Variants in ESRRG observed in about 807,000 individuals in gnomAD.
The protein encoded by ESRRG is estrogen-related receptor gamma.
ESRRG carries 13 observed loss-of-function variants against 44.0 expected under a neutral mutation model. The ratio of observed to expected loss-of-function variants is 0.30; its 90% CI spans 0.19 to 0.47. ESRRG has a LOEUF of 0.47. Among genes scored for constraint, ESRRG ranks in the 20% least tolerant of loss-of-function variants. The pLI, the probability that ESRRG is intolerant of heterozygous loss-of-function variation, is 1.00. For missense variants in ESRRG, 395 were observed against 580.6 expected, an observed-to-expected ratio of 0.68 and a Z score of 3.29; for synonymous variants, 215 against 214.6, an observed-to-expected ratio of 1.00 and a Z score of -0.02.
chr1:216,630,788 C>T (rs1307998992), intron 3 of ESRRG, among the ~76,000 whole-genome samples: 1 of 152,084 alleles, frequency 6.6e-6, no homozygotes, highest in African/African-American at 2.4e-5. Flanking sequence ...TCAAATAGCC[C>T]TGTGACAGCA....
chr1:217,000,154 C>T lies in ESRRG; in HGVS notation c.-105-60481G>A, dbSNP rs865794136. 4 of 152,292 alleles carry T rather than the reference C, an allele frequency of 2.6e-5. No individual in the cohort carries two copies. The South Asian group carries it at 6.2e-4, about 24-fold the overall frequency. The allele number at this position is 152,292 out of a possible 1,614,324, so 9.4% of individuals were successfully genotyped here. On this transcript the variant is annotated intron_variant, in intron 1 of 7. Coordinates refer to the ESRRG transcript ENST00000359162. ...CATCTGAATGCTGCTTAATGCTTGC[C>T]TTATTATACGTAAGCGAACAGTTAT... is the stretch of plus-strand genomic sequence containing the variant.
intron 1 of ESRRG, among the ~76,000 whole-genome samples, chr1:217,036,281 T>C (rs2082878380): frequency 6.6e-6 from 1 of 152,144 alleles, no homozygotes; most frequent in African/African-American, 2.4e-5. Context: ...AAGACAAAAA[T>C]ACTATTTGAC....
At chr1:216,522,454 A>G (rs961334177) in intron 5 of ESRRG, among the ~76,000 whole-genome samples, 7 of 149,394 alleles carry the variant, frequency 4.7e-5, no homozygotes, top group African/African-American at 1.7e-4. Context: ...AACTTCTTCT[A>G]TCTTTTCTTG....
At chr1:217,108,989 A>C (rs2092631213) in intron 1 of ESRRG, among the ~76,000 whole-genome samples, 1 of 152,212 alleles carries the variant, frequency 6.6e-6, no homozygotes, top group Admixed American at 6.5e-5. Context: ...TCTTTAAAAA[A>C]TCATTACAAC....
chr1:216,909,447 C>G (rs1274583990), intron 2 of ESRRG, among the ~76,000 whole-genome samples: 1 of 152,182 alleles, frequency 6.6e-6, no homozygotes, highest in African/African-American at 2.4e-5. Context: ...ATAAGGTACA[C>G]TAAACACTCC....
At chr1:217,053,410 G>T (rs1164747399) in intron 1 of ESRRG, among the ~76,000 whole-genome samples, 1 of 150,924 alleles carries the variant, frequency 6.6e-6, no homozygotes, top group African/African-American at 2.4e-5. Flanking sequence ...AGCCGAGATT[G>T]CGCCACTGCA....
intron 3 of ESRRG, among the ~76,000 whole-genome samples, chr1:216,599,196 G>A (rs757349209): frequency 4.9e-4 from 75 of 151,996 alleles, no homozygotes; most frequent in Admixed American, 9.2e-4. Context: ...CACAATTAAA[G>A]ATCTTGAAAA....
chr1:216,856,107 C>CT (rs1050124391), intron 2 of ESRRG, among the ~76,000 whole-genome samples: 5 of 151,802 alleles, frequency 3.3e-5, no homozygotes, highest in African/African-American at 4.8e-5. Context: ...CGATTATCTC[C>CT]TTTTTTTCCC....
chr1:217,068,731 ACAAGCACAATTACTCT>A (rs2090140830), intron 1 of ESRRG, among the ~76,000 whole-genome samples: 3 of 152,238 alleles, frequency 2.0e-5, no homozygotes, highest in African/African-American at 7.2e-5. Context: ...CATCTAATCA[ACAAGCACAATTACTCT>A]CAAGCAGTTT....
intron 2 of ESRRG, among the ~76,000 whole-genome samples, chr1:216,855,866 T>C (rs541509120): frequency 6.6e-6 from 1 of 152,310 alleles, no homozygotes; most frequent in African/African-American, 2.4e-5. Flanking sequence ...CCTCCCACTC[T>C]TTCCATTCTC....
At chr1:216,732,746 GTGATCAATGATCAA>G (rs1174211020) in intron 2 of ESRRG, among the ~76,000 whole-genome samples, 5 of 148,874 alleles carry the variant, frequency 3.4e-5, no homozygotes, top group African/African-American at 7.4e-5. Flanking sequence ...CAAGGCATCA[GTGATCAATGATCAA>G]TGATCAATGA....
At chr1:216,697,753 CA>C (rs1272983865) in intron 1 of ESRRG, among the ~76,000 whole-genome samples, 15 of 152,286 alleles carry the variant, frequency 9.8e-5, no homozygotes, top group African/African-American at 3.6e-4. Flanking sequence ...TAACACAGGT[CA>C]GGGGAAAATG....
intron 1 of ESRRG, among the ~76,000 whole-genome samples, chr1:216,706,311 A>C (rs1226168523): frequency 3.9e-5 from 6 of 152,154 alleles, no homozygotes; most frequent in Non-Finnish European, 8.8e-5. Context: ...AAAAAAACCC[A>C]CAAACGAAGC....
At chr1:216,712,641 G>A (rs563293349) in intron 1 of ESRRG, among the ~76,000 whole-genome samples, 1 of 152,256 alleles carries the variant, frequency 6.6e-6, no homozygotes, top group Non-Finnish European at 1.5e-5. Context: ...ACCTTATTTT[G>A]ATTATAGTGC....
chr1:216,592,700 A>C (rs2057872400), intron 3 of ESRRG, among the ~76,000 whole-genome samples: 1 of 152,068 alleles, frequency 6.6e-6, no homozygotes, highest in Admixed American at 6.5e-5. Flanking sequence ...GTGTTTCTCC[A>C]TCTTGGCCTG....
intron 2 of ESRRG, among the ~76,000 whole-genome samples, chr1:216,812,420 GA>G (rs2095001957): frequency 6.6e-6 from 1 of 152,014 alleles, no homozygotes; most frequent in Admixed American, 6.6e-5. Context: ...TTATTTCGGG[GA>G]GTCCCTTGGT....
intron 5 of ESRRG, among the ~76,000 whole-genome samples, chr1:216,527,529 T>TA (rs34022081): frequency 0.2 from 30,541 of 151,980 alleles, 3,866 homozygotes; most frequent in Non-Finnish European, 0.27. Flanking sequence ...CCATATTTCC[T>TA]AAAAAATCTT....
intron 3 of ESRRG, among the ~76,000 whole-genome samples, chr1:216,647,202 T>A (rs1228126850): frequency 6.6e-6 from 1 of 151,876 alleles, no homozygotes; most frequent in African/African-American, 2.4e-5. Flanking sequence ...CTGAAAAAAA[T>A]GAAAAGGGAA....
intron 2 of ESRRG, among the ~76,000 whole-genome samples, chr1:216,858,608 T>G (rs912702051): frequency 6.6e-6 from 1 of 152,178 alleles, no homozygotes; most frequent in African/African-American, 2.4e-5. Flanking sequence ...CCAGGTACTA[T>G]CCTAGGTTCT....
Sources: allele counts gnomAD v4.1 joint callset (sites outside exome capture counted in the v4.1 genomes callset), GRCh38; gene constraint gnomAD v4.1.1; transcripts MANE v1.5; gene names NCBI Gene and HGNC (gene_info 2026-07-23, HGNC 2026-07-21).